The following ADAMTSL1 variants were observed in gnomAD, a reference collection of about 807,000 sequenced individuals.
ADAMTSL1 encodes ADAMTS like 1, also known as ADAMTS-like protein 1.
A neutral mutation model predicts 201.8 loss-of-function variants in ADAMTSL1; 126 were observed. The observed-to-expected ratio is 0.62, with a 90% confidence interval of 0.54 to 0.72. The LOEUF is 0.72. Ranked by LOEUF, ADAMTSL1 falls within the 30% of genes least tolerant of loss-of-function variation. ADAMTSL1 has a pLI of 0.00. For synonymous variants in ADAMTSL1, 1,121 were observed against 903.4 expected, an observed-to-expected ratio of 1.24 and a Z score of -4.32; for missense variants, 2,679 against 2,277.8, an observed-to-expected ratio of 1.18 and a Z score of -3.59.
At chr9:18,130,914 G>A (rs1201611301) in intron 1 of ADAMTSL1, among the ~76,000 whole-genome samples, 1 of 152,090 alleles carries the variant, frequency 6.6e-6, no homozygotes, top group Non-Finnish European at 1.5e-5. Flanking sequence ...TTCTTGAAAA[G>A]TAGTTGCCAT....
At chr9:18,732,491 G>A (rs145460997) in intron 15 of ADAMTSL1, among the ~76,000 whole-genome samples, 3 of 152,284 alleles carry the variant, frequency 2.0e-5, no homozygotes, top group African/African-American at 7.2e-5. Flanking sequence ...AGTCCAAAGG[G>A]TCATTAAAAA....
chr9:18,006,060 G>A (rs1398701810), intron 1 of ADAMTSL1, among the ~76,000 whole-genome samples: 1 of 151,776 alleles, frequency 6.6e-6, no homozygotes, highest in Non-Finnish European at 1.5e-5. Context: ...CAGTAATGAG[G>A]TGGTAAATTT....
chr9:18,029,721 T>A (rs1820858820), intron 1 of ADAMTSL1, among the ~76,000 whole-genome samples: 1 of 151,854 alleles, frequency 6.6e-6, no homozygotes, highest in Non-Finnish European at 1.5e-5. Flanking sequence ...AACAACCCCA[T>A]CAAAAAGTGG....
chr9:18,753,649 CT>C, intron 16 of ADAMTSL1, 141 bp downstream of exon 16: 1 of 934,878 alleles, frequency 1.1e-6, no homozygotes, highest in Non-Finnish European at 1.7e-6. Context: ...TAGTACTCCC[CT>C]AACCTGATTT....
intron 1 of ADAMTSL1, among the ~76,000 whole-genome samples, chr9:18,086,414 AAAAGC>A (rs1324395584): frequency 2.6e-5 from 4 of 152,210 alleles, no homozygotes; most frequent in African/African-American, 4.8e-5. Flanking sequence ...ATTAAAAAAA[AAAAGC>A]AAAATAAACA....
intron 4 of ADAMTSL1, among the ~76,000 whole-genome samples, chr9:18,594,192 C>G (rs1481118939): frequency 6.6e-6 from 1 of 151,952 alleles, no homozygotes; most frequent in African/African-American, 2.4e-5. Context: ...TTTTCCCACT[C>G]CTTCCTGGCC....
At chr9:18,466,032 T>G (rs1186891683) in intron 2 of ADAMTSL1, among the ~76,000 whole-genome samples, 1 of 152,126 alleles carries the variant, frequency 6.6e-6, no homozygotes, top group African/African-American at 2.4e-5. Flanking sequence ...ATTACAGGAG[T>G]GAGCCACTGT....
At chr9:18,738,926 T>C (rs1294637084) in intron 15 of ADAMTSL1, among the ~76,000 whole-genome samples, 1 of 152,240 alleles carries the variant, frequency 6.6e-6, no homozygotes, top group Non-Finnish European at 1.5e-5. Context: ...CATGGTATTT[T>C]GTTTCCAACA....
chr9:18,621,556 C>CCCCA (rs1554716788), intron 4 of ADAMTSL1, among the ~76,000 whole-genome samples: 6 of 143,634 alleles, frequency 4.2e-5, no homozygotes, highest in Admixed American at 2.1e-4. Flanking sequence ...CCGTCCTCTT[C>CCCCA]CACACACACA....
intron 20 of ADAMTSL1, among the ~76,000 whole-genome samples, chr9:18,795,753 G>A (rs1822384567): frequency 6.6e-6 from 1 of 152,172 alleles, no homozygotes; most frequent in South Asian, 2.1e-4. Context: ...GAGGTCTTAG[G>A]GTTGCAATGA....
intron 1 of ADAMTSL1, among the ~76,000 whole-genome samples, chr9:17,928,148 A>G (rs886091956): frequency 4.0e-5 from 6 of 151,672 alleles, no homozygotes; most frequent in Non-Finnish European, 7.4e-5. Context: ...GGATACGCCA[A>G]CCAGGCCCAG....
intron 1 of ADAMTSL1, among the ~76,000 whole-genome samples, chr9:17,938,696 C>A (rs1189376543): frequency 6.6e-6 from 1 of 152,144 alleles, no homozygotes; most frequent in Non-Finnish European, 1.5e-5. Context: ...AGTCATCTTC[C>A]TCCGACAAGA....
chr9:18,490,554 C>G (rs977084148), intron 1 of ADAMTSL1, among the ~76,000 whole-genome samples: 2 of 151,934 alleles, frequency 1.3e-5, no homozygotes, highest in African/African-American at 4.8e-5. Flanking sequence ...TTGGAAGAGA[C>G]GTAGATTTGT....
chr9:18,251,394 C>T lies in ADAMTSL1; in HGVS notation c.207+87413C>T, dbSNP rs116681496. 5.1e-3 allele frequency among the ~76,000 whole-genome samples: 768 copies of T among 152,036 alleles called. 7 individuals are homozygous for T. The highest frequency in any genetic ancestry group is 0.017 in the African/African-American group (717 of 41,456). ...CCTGAAAGAAGCATTTTGATGTTTC[C>T]GAGTGACTTTCTAAACTTCAAAAGG... On this transcript the variant is annotated intron_variant, in intron 2 of 29. Transcript: ENST00000680146.
chr9:18,459,295 T>G (rs1820722864), intron 2 of ADAMTSL1, among the ~76,000 whole-genome samples: 1 of 152,176 alleles, frequency 6.6e-6, no homozygotes, highest in South Asian at 2.1e-4. Context: ...TAATACCTCA[T>G]AAACAGTGTA....
chr9:18,730,069 A>G (rs1818122803), intron 15 of ADAMTSL1, among the ~76,000 whole-genome samples: 1 of 152,046 alleles, frequency 6.6e-6, no homozygotes, highest in Non-Finnish European at 1.5e-5. Context: ...CTTACAATCT[A>G]GTGTTTCCAA....
chr9:18,055,722 C>G (rs1431849388), intron 1 of ADAMTSL1, among the ~76,000 whole-genome samples: 1 of 152,170 alleles, frequency 6.6e-6, no homozygotes, highest in Non-Finnish European at 1.5e-5. Flanking sequence ...CTGCACATGC[C>G]TCCAGCAGTT....
chr9:18,490,568 T>G (rs1481008864), intron 1 of ADAMTSL1, among the ~76,000 whole-genome samples: 1 of 151,736 alleles, frequency 6.6e-6, no homozygotes, highest in Non-Finnish European at 1.5e-5. Context: ...GATTTGTAAA[T>G]CACATGCAAG....
At chr9:18,784,507 G>C (rs1174545781) in intron 19 of ADAMTSL1, among the ~76,000 whole-genome samples, 3 of 152,330 alleles carry the variant, frequency 2.0e-5, no homozygotes, top group East Asian at 3.9e-4. Context: ...CATTGTGGAA[G>C]AGTTCCAGAG....
Sources: allele counts gnomAD v4.1 joint callset (sites outside exome capture counted in the v4.1 genomes callset), GRCh38; gene constraint gnomAD v4.1.1; transcripts MANE v1.5; gene names NCBI Gene and HGNC (gene_info 2026-07-23, HGNC 2026-07-21).